The following SMYD3 variants were observed in gnomAD, a reference collection of about 807,000 sequenced individuals.
SMYD3 encodes the protein histone-lysine N-methyltransferase SMYD3.
A neutral mutation model predicts 57.7 loss-of-function variants in SMYD3; 36 were observed. That is an observed-to-expected ratio of 0.62 (90% CI 0.48 to 0.82). The LOEUF is 0.82. Ranked by LOEUF, SMYD3 falls within the 40% of genes least tolerant of loss-of-function variation. The pLI, the probability that SMYD3 is intolerant of heterozygous loss-of-function variation, is 0.00. For missense variants in SMYD3, 515 were observed against 538.8 expected, an observed-to-expected ratio of 0.96 and a Z score of 0.44; for synonymous variants, 211 against 195.0, an observed-to-expected ratio of 1.08 and a Z score of -0.68.
chr1:246,145,808 T>C lies in SMYD3; in HGVS notation c.531+181393A>G, dbSNP rs191228678. On this transcript the variant is annotated intron_variant, in intron 5 of 11. Coordinates refer to ENST00000490107, the MANE Select transcript of SMYD3 (RefSeq NM_001167740.2). ...TGCCTGGCACAAACTAAGTGGTCAA[T>C]ATATGTTAGTAGCTATTATTGAATT... is the stretch of plus-strand genomic sequence containing the variant. Among the ~76,000 whole-genome samples, 84 of 152,322 alleles carry C rather than the reference T, an allele frequency of 5.5e-4. 1 individual carries two copies. Among genetic ancestry groups the C allele is most frequent in the African/African-American group, 2.0e-3 (82 of 41,572 alleles).
At chr1:245,916,481 G>A (rs990901755) in intron 7 of SMYD3, among the ~76,000 whole-genome samples, 4 of 152,054 alleles carry the variant, frequency 2.6e-5, no homozygotes, top group African/African-American at 4.8e-5. Flanking sequence ...GTTCCATCTC[G>A]GCTAGAGCAT....
chr1:245,758,568 C>T (rs528517500), intron 11 of SMYD3, among the ~76,000 whole-genome samples: 32 of 152,000 alleles, frequency 2.1e-4, no homozygotes, highest in African/African-American at 7.2e-4. Context: ...TCACATTCAC[C>T]AATTCATTCC....
intron 5 of SMYD3, among the ~76,000 whole-genome samples, chr1:246,188,714 A>T (rs910490952): frequency 6.6e-6 from 1 of 152,016 alleles, no homozygotes; most frequent in Admixed American, 6.5e-5. Context: ...TAATCCCAAC[A>T]CTTTGGGGGG....
chr1:246,483,499 T>C (rs1330925772), intron 1 of SMYD3: 2 of 152,218 alleles, frequency 1.3e-5, no homozygotes, highest in African/African-American at 4.8e-5. Flanking sequence ...AGCACTGTTT[T>C]ACGCAAATAC....
intron 10 of SMYD3, among the ~76,000 whole-genome samples, chr1:245,837,537 G>A (rs1204104313): frequency 6.6e-6 from 1 of 152,122 alleles, no homozygotes; most frequent in Non-Finnish European, 1.5e-5. Context: ...GTACACGAGG[G>A]AAGAAGCACA....
At chr1:245,883,865 C>G (rs1225392095) in intron 8 of SMYD3, among the ~76,000 whole-genome samples, 1 of 152,028 alleles carries the variant, frequency 6.6e-6, no homozygotes, top group Non-Finnish European at 1.5e-5. Context: ...TCGTGGGAAG[C>G]AACAGATAAA....
At chr1:246,215,630 G>A (rs1185446684) in intron 5 of SMYD3, among the ~76,000 whole-genome samples, 1 of 152,070 alleles carries the variant, frequency 6.6e-6, no homozygotes, top group East Asian at 1.9e-4. Context: ...CACTCTCAGT[G>A]GCCATCGTTC....
intron 5 of SMYD3, among the ~76,000 whole-genome samples, chr1:246,079,261 C>A (rs75310321): frequency 5.3e-5 from 8 of 151,920 alleles, no homozygotes; most frequent in Admixed American, 1.3e-4. Context: ...AGGACATACA[C>A]GTTAAAAGAA....
intron 1 of SMYD3, among the ~76,000 whole-genome samples, chr1:246,402,458 AG>A (rs759170348): frequency 6.6e-6 from 1 of 151,556 alleles, no homozygotes; most frequent in Non-Finnish European, 1.5e-5. Flanking sequence ...CAAACTAAAT[AG>A]AAGGGTTAGA....
At position 246,215,699 on chromosome 1, in the gene SMYD3, G is replaced by A. The variant is rs116146431; in HGVS notation, c.531+111502C>T. Among the ~76,000 whole-genome samples the A allele has an allele frequency of 2.0e-3, 310 of 152,152 alleles. 5 individuals carry two copies. Among genetic ancestry groups the A allele is most frequent in the African/African-American group, 6.9e-3 (285 of 41,470 alleles). On this transcript the variant is annotated intron_variant, in intron 5 of 11. Coordinates refer to ENST00000490107, the MANE Select transcript of SMYD3 (RefSeq NM_001167740.2). ...CAGCATGCCACAGAAAGGGGCCAGC[G>A]GAACTCAACTGTCCAAAGAAATGTC...
intron 1 of SMYD3, among the ~76,000 whole-genome samples, chr1:246,454,020 T>C (rs948258786): frequency 2.0e-5 from 3 of 152,104 alleles, no homozygotes; most frequent in Admixed American, 1.3e-4. Context: ...TCAAATCAGA[T>C]TAGGTAATAC....
intron 5 of SMYD3, among the ~76,000 whole-genome samples, chr1:245,983,229 G>A (rs1384300486): frequency 6.6e-6 from 1 of 152,064 alleles, no homozygotes; most frequent in Non-Finnish European, 1.5e-5. Flanking sequence ...ACCCCATGGG[G>A]GTTGTGTTCC....
At chr1:245,887,599 T>G (rs1262836810) in intron 8 of SMYD3, among the ~76,000 whole-genome samples, 1 of 152,228 alleles carries the variant, frequency 6.6e-6, no homozygotes, top group Non-Finnish European at 1.5e-5. Flanking sequence ...TGAAAATTCC[T>G]ATACAACCTG....
intron 5 of SMYD3, among the ~76,000 whole-genome samples, chr1:246,091,913 A>G (rs1313814890): frequency 6.6e-6 from 1 of 152,210 alleles, no homozygotes; most frequent in Non-Finnish European, 1.5e-5. Context: ...AGACAAGAAA[A>G]TAGGTGTCTT....
chr1:246,194,262 G>A (rs1418066884), intron 5 of SMYD3, among the ~76,000 whole-genome samples: 1 of 151,098 alleles, frequency 6.6e-6, no homozygotes, highest in Non-Finnish European at 1.5e-5. Flanking sequence ...AGTTCTTGTG[G>A]GGTTTTTTTG....
At chr1:246,433,846 G>A (rs2067332621) in intron 1 of SMYD3, among the ~76,000 whole-genome samples, 1 of 152,086 alleles carries the variant, frequency 6.6e-6, no homozygotes, top group Admixed American at 6.5e-5. Flanking sequence ...CAAAGCCAGA[G>A]GCATCACATT....
At chr1:246,497,984 A>G (rs2068390467) in intron 1 of SMYD3, among the ~76,000 whole-genome samples, 1 of 152,216 alleles carries the variant, frequency 6.6e-6, no homozygotes, top group Non-Finnish European at 1.5e-5. Context: ...GTTTAACTTC[A>G]CCCATAATGC....
chr1:246,258,767 C>T lies in SMYD3; in HGVS notation c.531+68434G>A, dbSNP rs552359585. ...TTCTTGTAACTGGATGTCTACCTCT[C>T]TAGCAAGCTTAGGGAAATTTTCTTT... is the stretch of plus-strand genomic sequence containing the variant. On this transcript the variant is annotated intron_variant, in intron 5 of 11. Coordinates refer to ENST00000490107, the MANE Select transcript of SMYD3 (RefSeq NM_001167740.2). Among the ~76,000 whole-genome samples, 14 of 152,316 alleles carry T rather than the reference C, an allele frequency of 9.2e-5. No homozygotes were observed. The South Asian group carries it at 2.7e-3, about 29-fold the overall frequency.
At chr1:245,810,773 CACTTTTCAAAGA>C (rs1012946975) in intron 10 of SMYD3, among the ~76,000 whole-genome samples, 5 of 12,104 alleles carry the variant, frequency 4.1e-4, no homozygotes, top group African/African-American at 5.0e-4. Flanking sequence ...GAGAAAGACG[CACTTTTCAAAGA>C]ATTCCCCAAC....
Sources: gnomAD v4.1 joint callset for allele counts (sites outside exome capture counted in the v4.1 genomes callset) on GRCh38, gnomAD v4.1.1 for gene constraint, MANE v1.5 for transcripts, NCBI Gene and HGNC (gene_info 2026-07-23, HGNC 2026-07-21) for gene names.